PLD5: variants seen among roughly 807,000 people sequenced by gnomAD.
PLD5 encodes inactive phospholipase D5.
A neutral mutation model predicts 61.1 loss-of-function variants in PLD5; 36 were observed. That is an observed-to-expected ratio of 0.59 (90% CI 0.45 to 0.78). The LOEUF is 0.78. Ranked by LOEUF, PLD5 falls within the 30% of genes least tolerant of loss-of-function variation. PLD5 has a pLI of 0.00. For synonymous variants in PLD5, 243 were observed against 242.8 expected, an observed-to-expected ratio of 1.00 and a Z score of -0.01; for missense variants, 515 against 644.4, an observed-to-expected ratio of 0.80 and a Z score of 2.17.
intron 1 of PLD5, chr1:242,449,287 C>T: frequency 1.3e-6 from 2 of 1,532,646 alleles, no homozygotes; most frequent in Non-Finnish European, 1.7e-6. Flanking sequence ...CCATTTTCAC[C>T]AGCAGAGGCT....
intron 2 of PLD5, among the ~76,000 whole-genome samples, chr1:242,310,292 C>A (rs1847094): frequency 0.89 from 135,164 of 152,134 alleles, 60,173 homozygotes; most frequent in East Asian, 0.95. Flanking sequence ...GTGTACAGAC[C>A]GCCTGTGACT....
intron 1 of PLD5, among the ~76,000 whole-genome samples, chr1:242,446,144 A>C (rs1023423317): frequency 2.0e-5 from 3 of 152,062 alleles, no homozygotes; most frequent in African/African-American, 7.2e-5. Flanking sequence ...GTAACATAGA[A>C]ATTTAACTCC....
chr1:242,150,167 A>C (rs1279605753), intron 5 of PLD5, among the ~76,000 whole-genome samples: 2 of 151,744 alleles, frequency 1.3e-5, no homozygotes, highest in Non-Finnish European at 3.0e-5. Context: ...TGTATTCATT[A>C]TAAGTACTTA....
At chr1:242,303,601 T>C (rs534885429) in intron 2 of PLD5, among the ~76,000 whole-genome samples, 1 of 152,362 alleles carries the variant, frequency 6.6e-6, no homozygotes, top group Admixed American at 6.5e-5. Context: ...ATTTATTTAT[T>C]TTAAAATAAA....
rs1177181597 is a variant in PLD5, at chr1:242,083,034, A to G, written c.*6820T>C. 6.6e-6 allele frequency: 1 copy of G among 152,116 alleles called. No homozygotes were observed. Among genetic ancestry groups the G allele is most frequent in the African/African-American group, 2.4e-5 (1 of 41,442 alleles). The allele number at this position is 152,116 out of a possible 1,614,324, so 9.4% of individuals were successfully genotyped here. A position where few individuals can be genotyped will look rare whatever the true frequency, so the allele number is the denominator to read the frequency against. ...TGTCAATACATAAGAAAGGAAGAAA[A>G]AAAAAAAGCAACCCAGGAACTACAA... On this transcript the variant is annotated 3_prime_UTR_variant, in exon 10 of 10. Transcript: ENST00000536534.
chr1:242,453,349 C>T (rs1558579096), intron 1 of PLD5, among the ~76,000 whole-genome samples: 1 of 152,106 alleles, frequency 6.6e-6, no homozygotes, highest in South Asian at 2.1e-4. Context: ...TTGTAAGCTA[C>T]CTAGTTTATG....
intron 1 of PLD5, among the ~76,000 whole-genome samples, chr1:242,395,726 A>G (rs1449367332): frequency 6.6e-6 from 1 of 152,184 alleles, no homozygotes; most frequent in Non-Finnish European, 1.5e-5. Context: ...ATATATTCAC[A>G]CAGTAAGCAA....
chr1:242,100,932 C>A, intron 8 of PLD5, 150 bp from the exon 9 acceptor site: 2 of 600,154 alleles, frequency 3.3e-6, no homozygotes, highest in Non-Finnish European at 5.9e-6. Context: ...ATAGATGAAG[C>A]TATTTTTGTT....
intron 5 of PLD5, among the ~76,000 whole-genome samples, chr1:242,147,917 A>T (rs1270400582): frequency 6.6e-6 from 1 of 152,176 alleles, no homozygotes; most frequent in South Asian, 2.1e-4. Flanking sequence ...TATTCTGGAT[A>T]CAAACCCTTG....
At chr1:242,437,581 C>T (rs1666058163) in intron 1 of PLD5, among the ~76,000 whole-genome samples, 1 of 152,062 alleles carries the variant, frequency 6.6e-6, no homozygotes, top group Admixed American at 6.5e-5. Context: ...CCTGTAATCC[C>T]AGCTACTAGG....
intron 6 of PLD5, 108 bp downstream of exon 6, chr1:242,124,360 A>G (rs1662616052): frequency 2.0e-5 from 20 of 1,021,054 alleles, no homozygotes; most frequent in Non-Finnish European, 2.9e-5. Flanking sequence ...GGATAGAACC[A>G]CTGTAATTCA....
At chr1:242,418,100 GA>G (rs1380232886) in intron 1 of PLD5, among the ~76,000 whole-genome samples, 1 of 152,160 alleles carries the variant, frequency 6.6e-6, no homozygotes, top group Non-Finnish European at 1.5e-5. Flanking sequence ...TGCATTAGAA[GA>G]GGTGAAAAAT....
chr1:242,297,911 T>C (rs1675803080), intron 2 of PLD5, among the ~76,000 whole-genome samples: 4 of 151,636 alleles, frequency 2.6e-5, no homozygotes, highest in African/African-American at 7.3e-5. Flanking sequence ...AGTGCTGGGA[T>C]TACAGGCGTG....
At chr1:242,316,564 T>C (rs1406660358) in intron 2 of PLD5, among the ~76,000 whole-genome samples, 4 of 152,206 alleles carry the variant, frequency 2.6e-5, no homozygotes, top group Non-Finnish European at 4.4e-5. Flanking sequence ...TATATTAACA[T>C]TGAGGTGATA....
intron 1 of PLD5, among the ~76,000 whole-genome samples, chr1:242,452,954 G>A (rs181673936): frequency 3.9e-5 from 6 of 152,236 alleles, no homozygotes; most frequent in South Asian, 4.1e-4. Context: ...AATGCTCAGC[G>A]GAAGGCTATT....
chr1:242,438,502 TG>T (rs943700497), intron 1 of PLD5, among the ~76,000 whole-genome samples: 2 of 146,440 alleles, frequency 1.4e-5, no homozygotes, highest in Non-Finnish European at 3.0e-5. Context: ...TGGAGTGTAA[TG>T]GTGCAATCTT....
At chr1:242,242,049 G>T (rs1672091111) in intron 4 of PLD5, among the ~76,000 whole-genome samples, 1 of 116,236 alleles carries the variant, frequency 8.6e-6, no homozygotes, top group East Asian at 2.8e-4. Context: ...ACACACATAT[G>T]GTTGATGGAG....
At chr1:242,154,659 T>C (rs1665212901) in intron 5 of PLD5, among the ~76,000 whole-genome samples, 1 of 152,150 alleles carries the variant, frequency 6.6e-6, no homozygotes, top group African/African-American at 2.4e-5. Flanking sequence ...TTGATTTGTG[T>C]ATGTTGAACC....
At chr1:242,197,380 T>A (rs1460012227) in intron 5 of PLD5, among the ~76,000 whole-genome samples, 1 of 152,234 alleles carries the variant, frequency 6.6e-6, no homozygotes, top group Non-Finnish European at 1.5e-5. Context: ...TCCATGCTTC[T>A]CTGCATGACA....
Sources: allele counts gnomAD v4.1 joint callset (sites outside exome capture counted in the v4.1 genomes callset), GRCh38; gene constraint gnomAD v4.1.1; transcripts MANE v1.5; gene names NCBI Gene and HGNC (gene_info 2026-07-23, HGNC 2026-07-21).